The following OPCML variants were observed in gnomAD, a reference collection of about 807,000 sequenced individuals.
OPCML encodes opioid-binding protein/cell adhesion molecule.
Under a neutral mutation model 37.8 loss-of-function variants are expected in OPCML, and 13 were observed. The ratio of observed to expected loss-of-function variants is 0.34; its 90% CI spans 0.22 to 0.55. The LOEUF (loss-of-function observed/expected upper bound fraction) is 0.55, where lower values mean the gene tolerates loss of function less well. OPCML is among the 20% of genes least tolerant of loss of function. OPCML has a pLI of 0.91. For missense variants in OPCML, 341 were observed against 435.6 expected, an observed-to-expected ratio of 0.78 and a Z score of 1.93; for synonymous variants, 176 against 168.8, an observed-to-expected ratio of 1.04 and a Z score of -0.33.
intron 4 of OPCML, among the ~76,000 whole-genome samples, chr11:132,460,058 T>C (rs1273344289): frequency 6.6e-6 from 1 of 152,158 alleles, no homozygotes; most frequent in East Asian, 1.9e-4. Flanking sequence ...AACCAAACAG[T>C]CTAACAGGTG....
At chr11:132,847,492 A>C (rs1282930234) in intron 2 of OPCML, among the ~76,000 whole-genome samples, 1 of 152,162 alleles carries the variant, frequency 6.6e-6, no homozygotes, top group African/African-American at 2.4e-5. Context: ...GATTATAATA[A>C]ATGTTAGTGA....
At chr11:133,514,282 G>T (rs150923251) in intron 1 of OPCML, among the ~76,000 whole-genome samples, 4 of 152,326 alleles carry the variant, frequency 2.6e-5, no homozygotes, top group African/African-American at 9.6e-5. Context: ...TGCAAGGGAG[G>T]CGAGTTGGCT....
intron 1 of OPCML, among the ~76,000 whole-genome samples, chr11:133,215,271 C>T (rs542832263): frequency 2.6e-5 from 4 of 152,210 alleles, no homozygotes; most frequent in African/African-American, 7.2e-5. Context: ...CACAAACACC[C>T]ATCTCTTTAA....
chr11:132,487,544 C>T (rs1158275943), intron 4 of OPCML, among the ~76,000 whole-genome samples: 2 of 152,204 alleles, frequency 1.3e-5, no homozygotes. Flanking sequence ...CTGTTTGCTG[C>T]ACGAACACCT....
At chr11:133,075,545 G>A (rs1948608515) in intron 1 of OPCML, among the ~76,000 whole-genome samples, 3 of 152,192 alleles carry the variant, frequency 2.0e-5, no homozygotes, top group African/African-American at 7.2e-5. Context: ...TCTGAAGCCG[G>A]ACACTGCCAG....
intron 2 of OPCML, among the ~76,000 whole-genome samples, chr11:132,777,656 G>A (rs934144844): frequency 3.3e-5 from 5 of 152,042 alleles, no homozygotes; most frequent in African/African-American, 4.8e-5. Context: ...AAAATTCAGC[G>A]CCAAAAAGAT....
At chr11:132,864,576 A>G (rs554316048) in intron 2 of OPCML, among the ~76,000 whole-genome samples, 7 of 152,200 alleles carry the variant, frequency 4.6e-5, no homozygotes, top group Middle Eastern at 3.2e-3. Flanking sequence ...TCAGGTCTAA[A>G]ATTTCTCTGC....
At chr11:133,471,766 A>G (rs766278672) in intron 1 of OPCML, among the ~76,000 whole-genome samples, 2 of 152,218 alleles carry the variant, frequency 1.3e-5, no homozygotes, top group African/African-American at 2.4e-5. Context: ...AAAATTGAAT[A>G]GGTTATTTTC....
At chr11:133,491,580 G>C (rs1414356427) in intron 1 of OPCML, among the ~76,000 whole-genome samples, 1 of 152,152 alleles carries the variant, frequency 6.6e-6, no homozygotes, top group Non-Finnish European at 1.5e-5. Flanking sequence ...TGGGAAAGGG[G>C]AAACATGGGT....
intron 3 of OPCML, among the ~76,000 whole-genome samples, chr11:132,598,089 A>G (rs2096495307): frequency 6.6e-6 from 1 of 152,102 alleles, no homozygotes; most frequent in Non-Finnish European, 1.5e-5. Context: ...TCTACCAATA[A>G]TTATTAAACA....
chr11:133,051,472 C>T (rs141470521), intron 1 of OPCML, among the ~76,000 whole-genome samples: 72 of 152,266 alleles, frequency 4.7e-4, no homozygotes, highest in African/African-American at 1.6e-3. Flanking sequence ...ACTCACTACA[C>T]TATGCTTCTC....
At chr11:133,516,121 T>C (rs1948265473) in intron 1 of OPCML, among the ~76,000 whole-genome samples, 1 of 151,750 alleles carries the variant, frequency 6.6e-6, no homozygotes, top group African/African-American at 2.4e-5. Flanking sequence ...CTGGGAGAGC[T>C]TGGGGACTGC....
intron 2 of OPCML, among the ~76,000 whole-genome samples, chr11:132,697,601 C>A (rs541456603): frequency 6.6e-6 from 1 of 152,200 alleles, no homozygotes; most frequent in African/African-American, 2.4e-5. Flanking sequence ...GTTGTCACAG[C>A]CTTTATTATG....
chr11:132,750,137 C>T (rs895925168), intron 2 of OPCML, among the ~76,000 whole-genome samples: 1 of 152,110 alleles, frequency 6.6e-6, no homozygotes, highest in Non-Finnish European at 1.5e-5. Context: ...GGGTTCAAGA[C>T]CAGCCTAACC....
intron 4 of OPCML, among the ~76,000 whole-genome samples, chr11:132,479,593 C>T (rs959197000): frequency 1.3e-5 from 2 of 152,212 alleles, no homozygotes; most frequent in African/African-American, 2.4e-5. Flanking sequence ...AACAAAAAGA[C>T]AGCAGTAACC....
At chr11:132,742,653 A>C (rs1286652025) in intron 2 of OPCML, among the ~76,000 whole-genome samples, 1 of 151,594 alleles carries the variant, frequency 6.6e-6, no homozygotes, top group African/African-American at 2.4e-5. Context: ...CTAATGCAAA[A>C]GTTGTGATGG....
chr11:132,815,947 G>A (rs1288034145), intron 2 of OPCML, among the ~76,000 whole-genome samples: 1 of 152,186 alleles, frequency 6.6e-6, no homozygotes, highest in African/African-American at 2.4e-5. Flanking sequence ...GCAGAGGAAG[G>A]CAGGCAAGAA....
chr11:132,603,428 C>T (rs952945617), intron 3 of OPCML, among the ~76,000 whole-genome samples: 1 of 152,194 alleles, frequency 6.6e-6, no homozygotes, highest in Non-Finnish European at 1.5e-5. Context: ...CAAGCAATTT[C>T]ATCTCCAAAA....
chr11:133,016,447 T>C (rs1947337886), intron 1 of OPCML, among the ~76,000 whole-genome samples: 1 of 152,216 alleles, frequency 6.6e-6, no homozygotes. Context: ...GGCCTGTCAA[T>C]TCCTCCTGCT....
Sources: gnomAD v4.1 joint callset for allele counts (sites outside exome capture counted in the v4.1 genomes callset) on GRCh38, gnomAD v4.1.1 for gene constraint, MANE v1.5 for transcripts, NCBI Gene and HGNC (gene_info 2026-07-23, HGNC 2026-07-21) for gene names.